Variants in ELOVL6 observed in about 807,000 individuals in gnomAD.
The protein encoded by ELOVL6 is very long chain fatty acid elongase 6.
A neutral mutation model predicts 31.7 loss-of-function variants in ELOVL6; 8 were observed. The observed-to-expected ratio is 0.25, with a 90% confidence interval of 0.15 to 0.45. The LOEUF (loss-of-function observed/expected upper bound fraction) is 0.45, where lower values mean the gene tolerates loss of function less well. ELOVL6 is among the 20% of genes least tolerant of loss of function. The probability of loss-of-function intolerance (pLI) is 1.00; values close to 1 mark genes in which losing one functional copy is unlikely to be tolerated. For missense variants in ELOVL6, 126 were observed against 326.4 expected (o/e 0.39, Z 4.73); for synonymous variants, 101 against 117.7 (o/e 0.86, Z 0.92).
intron 1 of ELOVL6, among the ~76,000 whole-genome samples, chr4:110,168,344 G>A (rs78715075): frequency 0.025 from 3,834 of 151,752 alleles, 165 homozygotes; most frequent in Admixed American, 0.1. Flanking sequence ...GCGAAACCCC[G>A]TCTCTACTAA....
Position 110,051,359 on chromosome 4 carries a change from C to T in ELOVL6, c.777G>A (p.Arg259=). Residue 259 remains arginine (R), a synonymous_variant, in exon 4 of 4, where the codon AGG becomes AGA. Coordinates refer to ENST00000302274, the MANE Select transcript of ELOVL6 (RefSeq NM_024090.3). The surrounding 1 kb of genome is among the most constrained non-coding windows in gnomAD (Gnocchi z 4.8). ...AACACTATTCAGCTTTCGTTGTTTT[C>T]CTCATTTTGCCGATGTAGGCCTCAA... ...FFFEAYIGKM[R]KTTKAE is the part of the protein sequence containing the mutation. 6.2e-7 allele frequency: 1 copy of T among 1,614,118 alleles called. No individual in the cohort carries two copies. The highest frequency in any genetic ancestry group is 8.5e-7 in the Non-Finnish European group (1 of 1,179,974).
chr4:110,129,699 C>T (rs1175355662), intron 1 of ELOVL6, among the ~76,000 whole-genome samples: 2 of 152,082 alleles, frequency 1.3e-5, no homozygotes, highest in Admixed American at 6.6e-5. Flanking sequence ...ATCTTATAGC[C>T]GTGGGGCAGC....
intron 2 of ELOVL6, among the ~76,000 whole-genome samples, chr4:110,073,100 C>A (rs920229366): frequency 6.6e-6 from 1 of 152,144 alleles, no homozygotes; most frequent in Non-Finnish European, 1.5e-5. Context: ...GCATTTCATC[C>A]TTACAATTTT....
chr4:110,157,478 C>A (rs1489907917), intron 1 of ELOVL6, among the ~76,000 whole-genome samples: 6 of 152,070 alleles, frequency 3.9e-5, no homozygotes, highest in African/African-American at 1.2e-4. Context: ...CAAGACCAGC[C>A]TGGCCAAGAT....
chr4:110,107,606 C>T (rs965779371), intron 1 of ELOVL6, among the ~76,000 whole-genome samples: 1 of 152,040 alleles, frequency 6.6e-6, no homozygotes, highest in Non-Finnish European at 1.5e-5. Flanking sequence ...TACTTTTGGC[C>T]ATAAATTATA....
intron 1 of ELOVL6, among the ~76,000 whole-genome samples, chr4:110,169,270 G>A (rs756851516): frequency 5.8e-5 from 8 of 137,902 alleles, no homozygotes; most frequent in African/African-American, 7.9e-5. Context: ...ACGGAGTCTC[G>A]CTCTGCCACC....
chr4:110,063,051 T>A (rs962181348), intron 2 of ELOVL6, among the ~76,000 whole-genome samples: 1 of 152,190 alleles, frequency 6.6e-6, no homozygotes, highest in Admixed American at 6.5e-5. Flanking sequence ...CTATTATTGC[T>A]GATTTACTTC....
chr4:110,196,424 GC>G (rs1321804371), intron 1 of ELOVL6, among the ~76,000 whole-genome samples: 2 of 152,150 alleles, frequency 1.3e-5, no homozygotes, highest in Admixed American at 1.3e-4. Context: ...TCCGGCCACC[GC>G]CCCCTCCCCG....
chr4:110,176,661 G>A (rs935736029), intron 1 of ELOVL6, among the ~76,000 whole-genome samples: 1 of 152,202 alleles, frequency 6.6e-6, no homozygotes, highest in Non-Finnish European at 1.5e-5. Flanking sequence ...ATTGTGTGGA[G>A]GGCAATGTGC....
chr4:110,076,826 C>G (rs1262888477), intron 2 of ELOVL6, among the ~76,000 whole-genome samples: 2 of 152,190 alleles, frequency 1.3e-5, no homozygotes, highest in Non-Finnish European at 2.9e-5. Flanking sequence ...CAGGGAACTC[C>G]CTTTCCTAGT....
chr4:110,168,593 T>C (rs564580606), intron 1 of ELOVL6, among the ~76,000 whole-genome samples: 1 of 152,232 alleles, frequency 6.6e-6, no homozygotes, highest in African/African-American at 2.4e-5. Flanking sequence ...CGTGCTTTCA[T>C]TGTGCAGAGC....
intron 1 of ELOVL6, among the ~76,000 whole-genome samples, chr4:110,156,074 A>T (rs1355974798): frequency 6.6e-6 from 1 of 152,218 alleles, no homozygotes; most frequent in Non-Finnish European, 1.5e-5. Context: ...CCTATTCAAG[A>T]GACAAATAAA....
At chr4:110,191,317 C>T (rs1463484728) in intron 1 of ELOVL6, among the ~76,000 whole-genome samples, 2 of 152,076 alleles carry the variant, frequency 1.3e-5, no homozygotes, top group African/African-American at 2.4e-5. Flanking sequence ...TACAATATAG[C>T]CAAGTCATAG....
chr4:110,158,641 A>G (rs1219770597), intron 1 of ELOVL6, among the ~76,000 whole-genome samples: 2 of 94,560 alleles, frequency 2.1e-5, no homozygotes, highest in African/African-American at 1.2e-4. Flanking sequence ...ACGTGTATAT[A>G]TATATATATA....
chr4:110,184,562 T>A (rs566213913), intron 1 of ELOVL6, among the ~76,000 whole-genome samples: 1 of 152,248 alleles, frequency 6.6e-6, no homozygotes, highest in South Asian at 2.1e-4. Flanking sequence ...TTAACCATTG[T>A]GATGACAAGA....
In ELOVL6 at chr4:110,164,851, T is replaced by C. The variant is rs115454470; in HGVS notation, c.89+33396A>G. 6.7e-3 allele frequency among the ~76,000 whole-genome samples: 1,014 copies of C among 152,184 alleles called. 20 individuals are homozygous for C. Among genetic ancestry groups the C allele is most frequent in the African/African-American group, 0.023 (936 of 41,524 alleles). ...AATTTCTTGTTTTGGGGAATTTCTT[T>C]TTTTTGAGACAGAGTCTCACTCTGT... On this transcript the variant is annotated intron_variant, in intron 1 of 3. Transcript: ENST00000302274.
chr4:110,089,334 G>T (rs965393000), intron 2 of ELOVL6, among the ~76,000 whole-genome samples: 1 of 152,150 alleles, frequency 6.6e-6, no homozygotes, highest in African/African-American at 2.4e-5. Context: ...CTCAAATTTT[G>T]TTCAACCAAA....
At chr4:110,063,734 C>T (rs1755213357) in intron 2 of ELOVL6, among the ~76,000 whole-genome samples, 1 of 149,226 alleles carries the variant, frequency 6.7e-6, no homozygotes. Context: ...CTTTTCCCAG[C>T]TCTATGGTCA....
intron 1 of ELOVL6, among the ~76,000 whole-genome samples, chr4:110,136,386 G>A (rs1454386293): frequency 2.6e-5 from 4 of 152,076 alleles, no homozygotes; most frequent in Non-Finnish European, 5.9e-5. Flanking sequence ...ACTCTATATT[G>A]AACGCCTTAT....
Sources: gnomAD v4.1 joint callset for allele counts (sites outside exome capture counted in the v4.1 genomes callset) on GRCh38, gnomAD v4.1.1 for gene constraint, Gnocchi (gnomAD v3.1) non-coding constraint, MANE v1.5 for transcripts, NCBI Gene and HGNC (gene_info 2026-07-23, HGNC 2026-07-21) for gene names.